FAM13C: variants seen among roughly 807,000 people sequenced by gnomAD.
FAM13C encodes the protein family with sequence similarity 13 member C.
Under a neutral mutation model 73.2 loss-of-function variants are expected in FAM13C, and 37 were observed. The ratio of observed to expected loss-of-function variants is 0.51; its 90% CI spans 0.39 to 0.67. FAM13C has a LOEUF of 0.67. FAM13C is among the 30% of genes least tolerant of loss of function. FAM13C has a pLI of 0.00. For synonymous variants in FAM13C, 246 were observed against 260.9 expected, an observed-to-expected ratio of 0.94 and a Z score of 0.55; for missense variants, 589 against 715.6, an observed-to-expected ratio of 0.82 and a Z score of 2.02.
At chr10:59,325,290 A>T (rs185569734) in intron 3 of FAM13C, among the ~76,000 whole-genome samples, 7 of 152,318 alleles carry the variant, frequency 4.6e-5, no homozygotes, top group Admixed American at 4.6e-4. Flanking sequence ...CACACTAGAA[A>T]AACATGGTGA....
intron 3 of FAM13C, among the ~76,000 whole-genome samples, chr10:59,329,961 C>T (rs1851749526): frequency 6.6e-6 from 1 of 152,110 alleles, no homozygotes; most frequent in Admixed American, 6.6e-5. Flanking sequence ...ACATGAGGTG[C>T]CTTTCTGAAG....
chr10:59,307,414 C>T (rs1423495980), intron 4 of FAM13C, among the ~76,000 whole-genome samples: 1 of 152,162 alleles, frequency 6.6e-6, no homozygotes, highest in East Asian at 1.9e-4. Context: ...TTCAATTCAC[C>T]AGCCCTTACT....
At chr10:59,294,124 A>C (rs115720640) in intron 5 of FAM13C, among the ~76,000 whole-genome samples, 1 of 150,980 alleles carries the variant, frequency 6.6e-6, no homozygotes, top group Non-Finnish European at 1.5e-5. Flanking sequence ...TGGACTTTAT[A>C]AAAAAACTCA....
intron 3 of FAM13C, among the ~76,000 whole-genome samples, chr10:59,348,725 G>C (rs1038377713): frequency 6.6e-6 from 1 of 152,044 alleles, no homozygotes; most frequent in African/African-American, 2.4e-5. Flanking sequence ...TGCAACCTCT[G>C]CCTCCCGGGT....
rs188354841 is a variant in FAM13C at position 59,357,900 on chromosome 10, T to C, written c.63-1957A>G. Among the ~76,000 whole-genome samples, 710 of 152,346 alleles carry C rather than the reference T, an allele frequency of 4.7e-3. 7 individuals are homozygous for C. Among genetic ancestry groups the C allele is most frequent in the Non-Finnish European group, 8.1e-3 (549 of 68,024 alleles). ...ATAAATATAACCATAATATACTGTT[T>C]ATACTATATGAAATAATTTAACATT... On this transcript the variant is annotated intron_variant, in intron 1 of 13. Coordinates refer to ENST00000618804, the MANE Select transcript of FAM13C (RefSeq NM_198215.4).
chr10:59,251,267 AT>A (rs1036239904), intron 13 of FAM13C: 11 of 397,660 alleles, frequency 2.8e-5, no homozygotes, highest in African/African-American at 1.4e-4. Context: ...AAATCAACAG[AT>A]TTTTTTAAAG....
chr10:59,268,254 A>G (rs1468089977), intron 8 of FAM13C, among the ~76,000 whole-genome samples: 2 of 152,090 alleles, frequency 1.3e-5, no homozygotes, highest in African/African-American at 4.8e-5. Context: ...GAAGAAGACC[A>G]TAATTCAAAG....
chr10:59,262,661 T>G lies in FAM13C; in HGVS notation c.1025-16A>C, dbSNP rs750004093. ...AGCTTTAGTTCTAAGAGAAATGCTA[T>G]GAGTTATCATAAGCAAAGAGAACCC... is the stretch of plus-strand genomic sequence containing the variant. On this transcript the variant is annotated splice_polypyrimidine_tract_variant and intron_variant, in intron 9 of 13. Coordinates refer to ENST00000618804, the MANE Select transcript of FAM13C (RefSeq NM_198215.4). The G allele has an allele frequency of 6.2e-7, 1 of 1,606,390 alleles. No individual in the cohort carries two copies. The highest frequency in any genetic ancestry group is 8.5e-7 in the Non-Finnish European group (1 of 1,174,334).
At chr10:59,285,919 G>A (rs1280038324) in intron 5 of FAM13C, among the ~76,000 whole-genome samples, 1 of 152,040 alleles carries the variant, frequency 6.6e-6, no homozygotes, top group Admixed American at 6.5e-5. Flanking sequence ...CCAGTCTTCA[G>A]GACTGTGAAA....
intron 8 of FAM13C, among the ~76,000 whole-genome samples, chr10:59,267,284 A>G (rs917869483): frequency 6.6e-6 from 1 of 152,202 alleles, no homozygotes; most frequent in African/African-American, 2.4e-5. Context: ...TAAAAAGCAG[A>G]CACTTAAAAA....
rs1024580713 is a variant in FAM13C, at chr10:59,314,629, A to G, written c.443+9359T>C. On this transcript the variant is annotated intron_variant, in intron 4 of 13. Transcript: ENST00000618804. The stretch of plus-strand genomic sequence containing the variant: ...TGGTGCTAAACTTAAGGCACTAAGA[A>G]GACTTCAACAGCTGTCTTATTCCTG... Among the ~76,000 whole-genome samples the G allele has an allele frequency of 7.2e-5, 11 of 152,178 alleles. No individual in the cohort carries two copies. In the East Asian group the frequency reaches 7.7e-4, roughly 11 times the overall value.
In FAM13C at chr10:59,247,391, T is replaced by G; in HGVS notation, c.*223A>C. On this transcript the variant is annotated 3_prime_UTR_variant, in exon 14 of 14. Coordinates refer to ENST00000618804, the MANE Select transcript of FAM13C (RefSeq NM_198215.4). ...GTTTTCTGCTTGGCATGGAGGACAC[T>G]GAATTTTTTCCCAATTATATGGCTA... The G allele has an allele frequency of 1.9e-6, 1 of 524,694 alleles. No individual in the cohort carries two copies. Among genetic ancestry groups the G allele is most frequent in the Non-Finnish European group, 3.3e-6 (1 of 300,728 alleles). The allele number at this position is 524,694 out of a possible 1,614,324, so 32.5% of individuals were successfully genotyped here.
Position 59,352,301 on chromosome 10 carries a change from G to C in FAM13C, c.293C>G (p.Ala98Gly), listed in dbSNP as rs781269278. ...KSRKPKSIFK[A>G]ESGRSHGESQ... The stretch of plus-strand genomic sequence containing the variant: ...TTCTCCGTGGCTCCTCCCGCTCTCC[G>C]CTTTGAAGATGGACTTGGGCTTCCT... Residue 98 changes from alanine (A) to glycine (G), a missense_variant, in exon 3 of 14, where the codon GCG becomes GGG. Physicochemically the swap from Ala to Gly is moderately conservative, Grantham distance 60. Transcript: ENST00000618804. The C allele has an allele frequency of 6.2e-7, 1 of 1,614,094 alleles. No homozygotes were observed. Among genetic ancestry groups the C allele is most frequent in the Admixed American group, 1.7e-5 (1 of 60,024 alleles).
At chr10:59,357,022 C>T (rs1855796736) in intron 1 of FAM13C, among the ~76,000 whole-genome samples, 1 of 152,146 alleles carries the variant, frequency 6.6e-6, no homozygotes, top group Non-Finnish European at 1.5e-5. Flanking sequence ...AGTGATTTGC[C>T]AGGGGCTCTT....
intron 3 of FAM13C, among the ~76,000 whole-genome samples, chr10:59,344,365 G>GC (rs1032067136): frequency 1.3e-5 from 2 of 148,306 alleles, no homozygotes; most frequent in Non-Finnish European, 3.0e-5. Context: ...TGCAAGTTCC[G>GC]CCCCCCAGGT....
chr10:59,252,647 T>G (rs1841507010), intron 12 of FAM13C, 152 bp downstream of exon 12: 3 of 674,538 alleles, frequency 4.4e-6, no homozygotes, highest in Non-Finnish European at 7.5e-6. Context: ...AAAAACTATC[T>G]CATCTAAATG....
At chr10:59,289,972 G>A (rs1270307015) in intron 5 of FAM13C, among the ~76,000 whole-genome samples, 3 of 152,160 alleles carry the variant, frequency 2.0e-5, no homozygotes, top group Non-Finnish European at 4.4e-5. Flanking sequence ...CAGGAAAATT[G>A]AGTAAGGGCT....
chr10:59,266,466 C>T (rs1313968816), intron 8 of FAM13C, among the ~76,000 whole-genome samples: 1 of 152,128 alleles, frequency 6.6e-6, no homozygotes, highest in Non-Finnish European at 1.5e-5. Flanking sequence ...GGGAGCCTTA[C>T]ACACAGCAAC....
At chr10:59,352,186 G>A (rs1350898448) in intron 3 of FAM13C, 84 bp downstream of exon 3, 1 of 1,487,096 alleles carries the variant, frequency 6.7e-7, no homozygotes, top group Admixed American at 1.7e-5. Flanking sequence ...GCAAAACAGT[G>A]CGCTCAAATC....
Sources: allele counts gnomAD v4.1 joint callset (sites outside exome capture counted in the v4.1 genomes callset), GRCh38; gene constraint gnomAD v4.1.1; transcripts MANE v1.5; gene names NCBI Gene and HGNC (gene_info 2026-07-23, HGNC 2026-07-21).